DLG2: variants seen among roughly 807,000 people sequenced by gnomAD.
The protein encoded by DLG2 is discs large MAGUK scaffold protein 2.
A neutral mutation model predicts 132.5 loss-of-function variants in DLG2; 45 were observed. The observed-to-expected ratio is 0.34, with a 90% CI of 0.27 to 0.44. DLG2 has a LOEUF of 0.44. Ranked by LOEUF, DLG2 falls within the 20% of genes least tolerant of loss-of-function variation. The probability of loss-of-function intolerance (pLI) is 1.00; values close to 1 mark genes in which losing one functional copy is unlikely to be tolerated. For synonymous variants in DLG2, 424 were observed against 419.6 expected (o/e 1.01, Z -0.13); for missense variants, 1,045 against 1,196.9 (o/e 0.87, Z 1.87).
chr11:84,522,906 A>G (rs1308512928), intron 7 of DLG2, among the ~76,000 whole-genome samples: 2 of 152,218 alleles, frequency 1.3e-5, no homozygotes, highest in Non-Finnish European at 2.9e-5. Context: ...AAAGAAAGCC[A>G]TTTCTTTATG....
intron 3 of DLG2, among the ~76,000 whole-genome samples, chr11:85,314,389 A>C (rs991105834): frequency 6.6e-6 from 1 of 151,956 alleles, no homozygotes; most frequent in Non-Finnish European, 1.5e-5. Context: ...AGCTAGGAAA[A>C]GATTCAAAAA....
chr11:84,614,237 T>C (rs2099600230), intron 6 of DLG2, among the ~76,000 whole-genome samples: 1 of 152,136 alleles, frequency 6.6e-6, no homozygotes, highest in Non-Finnish European at 1.5e-5. Context: ...TGATATAAAA[T>C]AATAGAGGCT....
chr11:83,891,464 T>C (rs759629154), intron 15 of DLG2, among the ~76,000 whole-genome samples: 3 of 152,038 alleles, frequency 2.0e-5, no homozygotes, highest in Non-Finnish European at 4.4e-5. Context: ...AAAGAAGAGG[T>C]CATGAGCGCT....
At chr11:85,459,712 G>A (rs2092542709) in intron 3 of DLG2, among the ~76,000 whole-genome samples, 1 of 152,156 alleles carries the variant, frequency 6.6e-6, no homozygotes, top group Non-Finnish European at 1.5e-5. Context: ...ACCAAGAGTG[G>A]TTAGGGTGAT....
chr11:83,692,752 C>G (rs975823307), intron 18 of DLG2, among the ~76,000 whole-genome samples: 3 of 152,154 alleles, frequency 2.0e-5, no homozygotes, highest in African/African-American at 7.2e-5. Flanking sequence ...ATCTGGTTCA[C>G]CAAACTCATT....
At chr11:84,080,941 G>A (rs990041224) in intron 10 of DLG2, among the ~76,000 whole-genome samples, 4 of 150,416 alleles carry the variant, frequency 2.7e-5, no homozygotes, top group Admixed American at 6.6e-5. Flanking sequence ...GCAGTGAGCC[G>A]AGATCGCACC....
At chr11:85,467,677 A>G (rs1282702055) in intron 3 of DLG2, among the ~76,000 whole-genome samples, 1 of 152,140 alleles carries the variant, frequency 6.6e-6, no homozygotes, top group African/African-American at 2.4e-5. Flanking sequence ...ATCATGGTGG[A>G]TAAGCTTTTT....
intron 8 of DLG2, among the ~76,000 whole-genome samples, chr11:84,222,370 A>G (rs2096928271): frequency 1.3e-5 from 2 of 152,082 alleles, no homozygotes; most frequent in Non-Finnish European, 2.9e-5. Flanking sequence ...TTCTGATGAC[A>G]TTTAATTGAG....
At chr11:85,380,813 C>A (rs1020379388) in intron 3 of DLG2, among the ~76,000 whole-genome samples, 1 of 152,172 alleles carries the variant, frequency 6.6e-6, no homozygotes, top group Non-Finnish European at 1.5e-5. Flanking sequence ...AATGACAACA[C>A]TTATAGGAGT....
chr11:85,252,271 C>G (rs1163446388), intron 4 of DLG2, among the ~76,000 whole-genome samples: 1 of 152,168 alleles, frequency 6.6e-6, no homozygotes, highest in Non-Finnish European at 1.5e-5. Flanking sequence ...TTTGTGAATG[C>G]ACAGAGCAGA....
intron 6 of DLG2, among the ~76,000 whole-genome samples, chr11:84,687,432 A>C (rs1225619528): frequency 1.3e-5 from 2 of 152,118 alleles, no homozygotes; most frequent in African/African-American, 4.8e-5. Context: ...GAATACCTTA[A>C]CTGTAGTCAC....
rs1157014328 is a variant in DLG2, at chr11:83,943,336, G to T, written c.1341-12853C>A. 2.0e-5 allele frequency among the ~76,000 whole-genome samples: 3 copies of T among 150,796 alleles called. No homozygotes were observed. The East Asian group carries it at 5.9e-4, about 30-fold the overall frequency. Reference sequence around the variant, plus strand: ...GGGAGGACTGTTAGGGATATGTATTGGGTACTTTTCAATTCAGCCCCAAAG... The same window carrying T: ...GGGAGGACTGTTAGGGATATGTATTTGGTACTTTTCAATTCAGCCCCAAAG... On this transcript the variant is annotated intron_variant, in intron 14 of 27. Transcript: ENST00000376104.
At chr11:83,723,821 ACTC>A (rs1295250956) in intron 18 of DLG2, among the ~76,000 whole-genome samples, 3 of 152,312 alleles carry the variant, frequency 2.0e-5, no homozygotes, top group African/African-American at 7.2e-5. Flanking sequence ...GCACCACTGC[ACTC>A]CAGCCTGGGT....
chr11:84,106,826 TGTGTGTGTGTGTGTGTTTGAGTGA>T (rs1378163614), intron 9 of DLG2, among the ~76,000 whole-genome samples: 1 of 142,114 alleles, frequency 7.0e-6, no homozygotes, highest in Non-Finnish European at 1.5e-5. Flanking sequence ...TGTGTGTGTG[TGTGTGTGTGTGTGTGTTTGAGTGA>T]GTGTGTGTGT....
At chr11:85,585,548 AT>A (rs1382232885) in intron 3 of DLG2, among the ~76,000 whole-genome samples, 1 of 152,042 alleles carries the variant, frequency 6.6e-6, no homozygotes, top group Non-Finnish European at 1.5e-5. Flanking sequence ...TTTGCTGTTG[AT>A]TTGTCATACA....
intron 3 of DLG2, among the ~76,000 whole-genome samples, chr11:85,333,820 T>C (rs182400555): frequency 1.8e-4 from 27 of 152,314 alleles, no homozygotes; most frequent in Non-Finnish European, 3.1e-4. Flanking sequence ...TGCTGCTGGA[T>C]TCAGTTTGCT....
chr11:83,806,608 T>C (rs762753002), intron 17 of DLG2, among the ~76,000 whole-genome samples: 1 of 152,220 alleles, frequency 6.6e-6, no homozygotes, highest in African/African-American at 2.4e-5. Flanking sequence ...ATAACTAGAC[T>C]GTAAGCCCCA....
At chr11:83,548,636 C>T (rs1300033251) in intron 19 of DLG2, among the ~76,000 whole-genome samples, 2 of 152,124 alleles carry the variant, frequency 1.3e-5, no homozygotes, top group African/African-American at 2.4e-5. Flanking sequence ...TATGTAATTC[C>T]ATCTCATTGA....
At chr11:83,911,534 A>C (rs1307989776) in intron 15 of DLG2, among the ~76,000 whole-genome samples, 2 of 151,952 alleles carry the variant, frequency 1.3e-5, no homozygotes, top group East Asian at 3.9e-4. Flanking sequence ...TCCTCTGTAT[A>C]CACAGTGTTA....
Sources: allele counts gnomAD v4.1 joint callset (sites outside exome capture counted in the v4.1 genomes callset), GRCh38; gene constraint gnomAD v4.1.1; transcripts MANE v1.5; gene names NCBI Gene and HGNC (gene_info 2026-07-23, HGNC 2026-07-21).